Variants in UBA3 observed in about 807,000 individuals in gnomAD.
The protein encoded by UBA3 is ubiquitin like modifier activating enzyme 3.
UBA3 carries 26 observed loss-of-function variants against 73.5 expected under a neutral mutation model. That is an observed-to-expected ratio of 0.35 (90% confidence interval 0.26 to 0.49). The LOEUF (loss-of-function observed/expected upper bound fraction) is 0.49. UBA3 is among the 20% of genes least tolerant of loss of function. UBA3 has a pLI of 0.98. For synonymous variants in UBA3, 217 were observed against 191.2 expected, an observed-to-expected ratio of 1.13 and a Z score of -1.11; for missense variants, 495 against 555.6, an observed-to-expected ratio of 0.89 and a Z score of 1.10.
Position 69,062,159 on chromosome 3 carries a change from G to A in UBA3, c.714C>T (p.Thr238=), listed in dbSNP as rs2092027422. ...YPPQVNFPMC[T]IASMPRLPEH... is the part of the protein sequence containing the mutation. ...CTGGTAGCCTGGGCATAGATGCAAT[G>A]GTGCACATGGGAAAATTAACCTAAA... The change falls in exon 10 of 18, where the codon ACC becomes ACT. Residue 238 remains threonine, a synonymous_variant. Transcript: ENST00000361055. The A allele has an allele frequency of 6.2e-7, 1 of 1,612,044 alleles. No homozygotes were observed. Among genetic ancestry groups the A allele is most frequent in the Non-Finnish European group, 8.5e-7 (1 of 1,178,734 alleles).
chr3:69,067,830 T>C (rs2092086340), intron 6 of UBA3, 98 bp downstream of exon 6: 2 of 846,140 alleles, frequency 2.4e-6, no homozygotes, highest in African/African-American at 3.6e-5. Flanking sequence ...CTGACTTTTT[T>C]TCCCTCTTGC....
chr3:69,071,259 T>TA, intron 5 of UBA3: 1 of 290,178 alleles, frequency 3.4e-6, no homozygotes, highest in South Asian at 3.8e-5. Context: ...AGAGCACAGT[T>TA]AACCTGAGGA....
At chr3:69,057,180 C>A in intron 12 of UBA3, 76 bp downstream of exon 12, 10 of 1,442,812 alleles carry the variant, frequency 6.9e-6, no homozygotes, top group Non-Finnish European at 9.6e-6. Flanking sequence ...CAAATTCCTA[C>A]AACACAAAAA....
chr3:69,069,296 GA>G (rs2092101588), intron 5 of UBA3, among the ~76,000 whole-genome samples: 1 of 152,056 alleles, frequency 6.6e-6, no homozygotes. Context: ...AAATTTCAAA[GA>G]AAAACACTTT....
chr3:69,069,100 T>C (rs1292916680), intron 5 of UBA3, among the ~76,000 whole-genome samples: 1 of 152,202 alleles, frequency 6.6e-6, no homozygotes, highest in Non-Finnish European at 1.5e-5. Flanking sequence ...ATGTATATAA[T>C]AAGAACATTA....
At chr3:69,056,902 A>G (rs184974759) in intron 12 of UBA3, 87 bp from the exon 13 acceptor site, 1 of 1,385,330 alleles carries the variant, frequency 7.2e-7, no homozygotes, top group East Asian at 2.3e-5. Context: ...AGATAAATTT[A>G]CATTGGCTCT....
At chr3:69,062,593 T>C (rs2092030620) in intron 9 of UBA3, among the ~76,000 whole-genome samples, 1 of 152,222 alleles carries the variant, frequency 6.6e-6, no homozygotes, top group African/African-American at 2.4e-5. Context: ...TCAAGTGTTC[T>C]TTAAAGTGGA....
At chr3:69,065,162 AT>A (rs1173412934) in intron 6 of UBA3, among the ~76,000 whole-genome samples, 1 of 152,152 alleles carries the variant, frequency 6.6e-6, no homozygotes, top group Non-Finnish European at 1.5e-5. Flanking sequence ...TCTAATCTGG[AT>A]TTCTAGAAAA....
chr3:69,077,216 G>A (rs1214761960), intron 3 of UBA3: 1 of 151,134 alleles, frequency 6.6e-6, no homozygotes, highest in Non-Finnish European at 1.5e-5. Context: ...TAATTTATGG[G>A]AGTAACACAA....
intron 5 of UBA3, 181 bp downstream of exon 5, chr3:69,071,354 C>T (rs1417700497): frequency 2.0e-6 from 1 of 489,606 alleles, no homozygotes; most frequent in African/African-American, 2.1e-5. Flanking sequence ...CTACTATCAC[C>T]AAGATGCCCA....
intron 6 of UBA3, among the ~76,000 whole-genome samples, chr3:69,067,515 T>C (rs1278754998): frequency 2.0e-5 from 3 of 152,184 alleles, no homozygotes; most frequent in Non-Finnish European, 2.9e-5. Flanking sequence ...CTTGTAAAAA[T>C]AAATTTACTG....
At chr3:69,080,269 G>T (rs1405561187) in intron 1 of UBA3, 65 bp downstream of exon 1, 3 of 1,584,878 alleles carry the variant, frequency 1.9e-6, no homozygotes, top group Non-Finnish European at 2.6e-6. Context: ...GGCGGCAACC[G>T]CCCACCGCCG....
chr3:69,060,774 T>A (rs2092015094), intron 11 of UBA3, among the ~76,000 whole-genome samples: 1 of 152,206 alleles, frequency 6.6e-6, no homozygotes, highest in African/African-American at 2.4e-5. Context: ...CATGGCTTGG[T>A]GCCCTCCCTG....
chr3:69,079,076 A>G (rs980964018), intron 2 of UBA3, among the ~76,000 whole-genome samples: 2 of 152,206 alleles, frequency 1.3e-5, no homozygotes, highest in Admixed American at 6.5e-5. Flanking sequence ...AGCAATAAAA[A>G]CCATACGTTT....
intron 9 of UBA3, among the ~76,000 whole-genome samples, chr3:69,062,431 G>A (rs2092029612): frequency 6.6e-6 from 1 of 152,106 alleles, no homozygotes. Flanking sequence ...ACTATGAGAA[G>A]AAAAATACTG....
chr3:69,073,771 G>A (rs572856949), intron 4 of UBA3, among the ~76,000 whole-genome samples: 4 of 152,156 alleles, frequency 2.6e-5, no homozygotes, highest in African/African-American at 7.2e-5. Context: ...GAGTAGCTGG[G>A]ACTACAGGCA....
intron 2 of UBA3, among the ~76,000 whole-genome samples, chr3:69,079,582 G>A (rs2092200197): frequency 1.3e-5 from 2 of 152,190 alleles, no homozygotes; most frequent in South Asian, 4.1e-4. Flanking sequence ...GGGATAAATA[G>A]GCTGTTTGAA....
chr3:69,070,264 CAA>C (rs1473941317), intron 5 of UBA3, among the ~76,000 whole-genome samples: 1 of 152,048 alleles, frequency 6.6e-6, no homozygotes, highest in South Asian at 2.1e-4. Context: ...AAAAAATAAA[CAA>C]AAAATAAAGC....
chr3:69,062,495 T>A (rs1220322768), intron 9 of UBA3, among the ~76,000 whole-genome samples: 1 of 152,160 alleles, frequency 6.6e-6, no homozygotes, highest in East Asian at 1.9e-4. Flanking sequence ...TATTTAAGTA[T>A]AAAGCAAACC....
Sources: allele counts gnomAD v4.1 joint callset (sites outside exome capture counted in the v4.1 genomes callset), GRCh38; gene constraint gnomAD v4.1.1; transcripts MANE v1.5; gene names NCBI Gene and HGNC (gene_info 2026-07-23, HGNC 2026-07-21).